The following CPPED1 variants were observed in gnomAD, a reference collection of about 807,000 sequenced individuals.
CPPED1 encodes calcineurin like phosphoesterase domain containing 1, also known as serine/threonine-protein phosphatase CPPED1.
In CPPED1, 28 loss-of-function variants were observed where a neutral mutation model predicts 28.0. The observed-to-expected ratio is 1.00, with a 90% CI of 0.74 to 1.37. The LOEUF is 1.37. Among genes scored for constraint, CPPED1 ranks in the 40% most tolerant of loss-of-function variants. The pLI is 0.00. For synonymous variants in CPPED1, 198 were observed against 180.2 expected, an observed-to-expected ratio of 1.10 and a Z score of -0.79; for missense variants, 504 against 416.5, an observed-to-expected ratio of 1.21 and a Z score of -1.83.
At chr16:12,781,607 C>T (rs1202950342) in intron 1 of CPPED1, among the ~76,000 whole-genome samples, 1 of 152,026 alleles carries the variant, frequency 6.6e-6, no homozygotes, top group Non-Finnish European at 1.5e-5. Flanking sequence ...CTGGTGATAC[C>T]CAAAGGCCAG....
intron 2 of CPPED1, among the ~76,000 whole-genome samples, chr16:12,763,010 C>G (rs1449853062): frequency 3.9e-5 from 6 of 152,118 alleles, no homozygotes; most frequent in Non-Finnish European, 7.4e-5. Flanking sequence ...GGGTGGATCA[C>G]TTGAAGTTGG....
intron 2 of CPPED1, among the ~76,000 whole-genome samples, chr16:12,747,385 T>C (rs903701190): frequency 6.6e-6 from 1 of 151,734 alleles, no homozygotes; most frequent in Admixed American, 6.6e-5. Context: ...GGAGCCATGA[T>C]TGCACCACTG....
chr16:12,734,718 T>C (rs2080218149), intron 2 of CPPED1, among the ~76,000 whole-genome samples: 1 of 152,186 alleles, frequency 6.6e-6, no homozygotes. Flanking sequence ...CCTCAGGATG[T>C]GGTTCCACTC....
chr16:12,713,861 T>G (rs908737619), intron 2 of CPPED1, among the ~76,000 whole-genome samples: 2 of 152,164 alleles, frequency 1.3e-5, no homozygotes, highest in Non-Finnish European at 2.9e-5. Flanking sequence ...AGTTGTGGAC[T>G]GTCATGAAAA....
intron 3 of CPPED1, among the ~76,000 whole-genome samples, chr16:12,666,604 G>C (rs564275515): frequency 1.5e-4 from 23 of 152,224 alleles, no homozygotes; most frequent in Non-Finnish European, 2.4e-4. Context: ...CTGATTTCAA[G>C]TTGCCAAGGT....
At chr16:12,759,692 C>A (rs572001899) in intron 2 of CPPED1, among the ~76,000 whole-genome samples, 1 of 152,162 alleles carries the variant, frequency 6.6e-6, no homozygotes, top group Non-Finnish European at 1.5e-5. Flanking sequence ...CATGACAGTG[C>A]GTGAGTTCTC....
chr16:12,773,629 G>A (rs777483214), intron 2 of CPPED1, among the ~76,000 whole-genome samples: 2 of 152,190 alleles, frequency 1.3e-5, no homozygotes, highest in Non-Finnish European at 2.9e-5. Flanking sequence ...GCTGAGGCAT[G>A]AGAATTGCTT....
chr16:12,736,801 T>G (rs62027312), intron 2 of CPPED1, among the ~76,000 whole-genome samples: 3 of 152,094 alleles, frequency 2.0e-5, no homozygotes, highest in African/African-American at 7.2e-5. Flanking sequence ...GTGCAGCTAA[T>G]AGGTAAAGCA....
chr16:12,718,985 G>A (rs1431649083), intron 2 of CPPED1, among the ~76,000 whole-genome samples: 1 of 152,024 alleles, frequency 6.6e-6, no homozygotes, highest in Non-Finnish European at 1.5e-5. Flanking sequence ...CGGGCTAATA[G>A]TTTCATGTGG....
At chr16:12,789,889 A>G (rs145056211) in intron 1 of CPPED1, among the ~76,000 whole-genome samples, 6 of 152,332 alleles carry the variant, frequency 3.9e-5, no homozygotes, top group African/African-American at 1.2e-4. Flanking sequence ...TAAATGAAAA[A>G]TTGACCTTAG....
chr16:12,793,397 G>C (rs2080608236), intron 1 of CPPED1, among the ~76,000 whole-genome samples: 1 of 152,100 alleles, frequency 6.6e-6, no homozygotes, highest in African/African-American at 2.4e-5. Flanking sequence ...GCTGACAACA[G>C]ACTTTGGGCC....
At chr16:12,705,509 G>A (rs1318679305) in intron 2 of CPPED1, among the ~76,000 whole-genome samples, 1 of 152,170 alleles carries the variant, frequency 6.6e-6, no homozygotes, top group African/African-American at 2.4e-5. Flanking sequence ...TGTAATCCCA[G>A]CACTTAGGGA....
chr16:12,735,550 C>T (rs1386579080), intron 2 of CPPED1, among the ~76,000 whole-genome samples: 5 of 152,212 alleles, frequency 3.3e-5, no homozygotes, highest in Non-Finnish European at 7.3e-5. Flanking sequence ...AGTGATCAGC[C>T]CACCTTGCAT....
Position 12,704,790 on chromosome 16 carries a change from C to T in CPPED1, c.549G>A (p.Gln183=). Reference sequence around the variant, plus strand: ...CGATGCTCAGCTGCTCGTCCAGCCACTGGTCCTGAGCCTGCTTCAGGCTGG... The same window carrying T: ...CGATGCTCAGCTGCTCGTCCAGCCATTGGTCCTGAGCCTGCTTCAGGCTGG... ...KCPSLKQAQD[Q]WLDEQLSIAR... Residue 183 remains glutamine, a synonymous_variant, in exon 3 of 4, where the codon CAG becomes CAA. Coordinates refer to ENST00000381774, the MANE Select transcript of CPPED1 (RefSeq NM_018340.3). 6.2e-7 allele frequency: 1 copy of T among 1,614,236 alleles called. No individual in the cohort carries two copies. Among genetic ancestry groups the T allele is most frequent in the Admixed American group, 1.7e-5 (1 of 60,022 alleles).
chr16:12,756,490 G>C (rs922913786), intron 2 of CPPED1, among the ~76,000 whole-genome samples: 2 of 152,084 alleles, frequency 1.3e-5, no homozygotes, highest in Non-Finnish European at 2.9e-5. Context: ...AGGTCAGTTC[G>C]AGACCAGCTG....
rs528288518 is a variant in CPPED1 at position 12,752,328 on chromosome 16, G to T, written c.289+28857C>A. Among the ~76,000 whole-genome samples, 3 of 152,046 alleles carry T rather than the reference G, an allele frequency of 2.0e-5. No individual in the cohort carries two copies. In the South Asian group the frequency reaches 6.2e-4, roughly 32 times the overall value. On this transcript the variant is annotated intron_variant, in intron 2 of 3. Coordinates refer to ENST00000381774, the MANE Select transcript of CPPED1 (RefSeq NM_018340.3). ...AACTGGCTCCTGAATCACTGTTAGGGGTTTAATGAGTTGTCATGCTTGATA... is the reference window on the plus strand; with the variant it reads ...AACTGGCTCCTGAATCACTGTTAGGTGTTTAATGAGTTGTCATGCTTGATA...
intron 1 of CPPED1, among the ~76,000 whole-genome samples, chr16:12,785,617 G>T (rs933190346): frequency 3.3e-5 from 5 of 151,770 alleles, no homozygotes; most frequent in Admixed American, 1.3e-4. Context: ...TAGTAGAGAC[G>T]GGGTTTCGCC....
intron 2 of CPPED1, among the ~76,000 whole-genome samples, chr16:12,735,506 T>C (rs117821461): frequency 0.017 from 2,562 of 152,352 alleles, 29 homozygotes; most frequent in Non-Finnish European, 0.028. Context: ...GGTTTCACCA[T>C]GTTGGCCAGG....
At chr16:12,720,850 T>C (rs888771221) in intron 2 of CPPED1, among the ~76,000 whole-genome samples, 39 of 152,392 alleles carry the variant, frequency 2.6e-4, no homozygotes, top group African/African-American at 9.4e-4. Flanking sequence ...CAAAATTATA[T>C]GTTATTAGGA....
Sources: allele counts gnomAD v4.1 joint callset (sites outside exome capture counted in the v4.1 genomes callset), GRCh38; gene constraint gnomAD v4.1.1; transcripts MANE v1.5; gene names NCBI Gene and HGNC (gene_info 2026-07-23, HGNC 2026-07-21).